The following FGFR3 variants were observed in gnomAD, a reference collection of about 807,000 sequenced individuals.
FGFR3 encodes the protein fibroblast growth factor receptor 3, also known as FGFR-3.
FGFR3 carries 25 observed loss-of-function variants against 82.9 expected under a neutral mutation model. The observed-to-expected ratio is 0.30, with a 90% CI of 0.22 to 0.42. The LOEUF is 0.42. Ranked by LOEUF, FGFR3 falls within the 10% of genes least tolerant of loss-of-function variation. The pLI is 1.00. For missense variants in FGFR3, 1,026 were observed against 1,161.0 expected, an observed-to-expected ratio of 0.88 and a Z score of 1.69; for synonymous variants, 620 against 516.0, an observed-to-expected ratio of 1.20 and a Z score of -2.73.
chr4:1,805,596 T>G lies in FGFR3; in HGVS notation c.1572T>G (p.Ser524=). 6.2e-7 allele frequency: 1 copy of G among 1,613,260 alleles called. No individual in the cohort carries two copies. Among genetic ancestry groups the G allele is most frequent in the East Asian group, 2.2e-5 (1 of 44,868 alleles). The change falls in exon 12 of 18, where the codon TCT becomes TCG. Residue 524 remains serine (S), a synonymous_variant. Coordinates refer to ENST00000440486, the MANE Select transcript of FGFR3 (RefSeq NM_000142.5). ...ACAAGGACCTGTCGGACCTGGTGTCTGAGATGGAGATGATGAAGATGATCG... is the reference window on the plus strand; with the variant it reads ...ACAAGGACCTGTCGGACCTGGTGTCGGAGATGGAGATGATGAAGATGATCG... The part of the protein sequence containing the change: ...ATDKDLSDLV[S]EMEMMKMIGK...
chr4:1,803,583 G>C (rs908659443), intron 7 of FGFR3, 109 bp from the exon 8 acceptor site: 7 of 1,517,156 alleles, frequency 4.6e-6, no homozygotes, highest in Non-Finnish European at 5.3e-6. Flanking sequence ...CTGAGGAGTT[G>C]GTGGTGGCGG....
intron 7 of FGFR3, chr4:1,802,998 C>A: frequency 1.3e-6 from 2 of 1,599,646 alleles, no homozygotes; most frequent in South Asian, 1.1e-5. Flanking sequence ...GTACCTCTGT[C>A]GAGCCACCAA....
chr4:1,806,391 C>T (rs2108810015), intron 15 of FGFR3, 64 bp downstream of exon 15: 1 of 1,605,272 alleles, frequency 6.2e-7, no homozygotes, highest in African/African-American at 1.3e-5. Flanking sequence ...GCCAGGACCC[C>T]AGCTGCAGTC....
chr4:1,804,780 C>T (rs1408659216), intron 9 of FGFR3, 44 bp from the exon 10 acceptor site: 12 of 1,548,160 alleles, frequency 7.8e-6, no homozygotes, highest in African/African-American at 2.7e-5. Flanking sequence ...CCTCCACGCC[C>T]TGTCGCCCAC....
chr4:1,799,275 G>A lies in FGFR3; in HGVS notation c.131G>A (p.Gly44Asp), dbSNP rs1429627940. Residue 44 changes from glycine to aspartate, a missense_variant, in exon 3 of 18, where the codon GGC becomes GAC. By Grantham distance (94) the Gly-to-Asp change is moderately conservative (BLOSUM62 -1). Around this residue, in one of 9 missense-constraint regions of FGFR3, gnomAD observed 226 missense variants for 222.0 expected, o/e 1.02. Coordinates refer to ENST00000440486, the MANE Select transcript of FGFR3 (RefSeq NM_000142.5). ...ACAGAAGTCCCGGGCCCAGAGCCCGGCCAGCAGGAGCAGTTGGTCTTCGGC... is the reference window on the plus strand; with the variant it reads ...ACAGAAGTCCCGGGCCCAGAGCCCGACCAGCAGGAGCAGTTGGTCTTCGGC... Reference protein sequence around the residue: ...RAAEVPGPEPGQQEQLVFGSG... With the variant: ...RAAEVPGPEPDQQEQLVFGSG... 1.2e-6 allele frequency: 2 copies of A among 1,612,658 alleles called. No individual in the cohort carries two copies. Among genetic ancestry groups the A allele is most frequent in the Middle Eastern group, 1.7e-4 (1 of 5,954 alleles).
Position 1,799,289 on chromosome 4 carries a change from T to C in FGFR3, c.145T>C (p.Leu49=), listed in dbSNP as rs759325576. 61 of 1,612,554 alleles carry C rather than the reference T, an allele frequency of 3.8e-5. 2 individuals carry two copies. The South Asian group carries it at 4.5e-4, about 12-fold the overall frequency. Residue 49 remains leucine, a synonymous_variant, in exon 3 of 18, where the codon TTG becomes CTG. Coordinates refer to ENST00000440486, the MANE Select transcript of FGFR3 (RefSeq NM_000142.5). ...CCCAGAGCCCGGCCAGCAGGAGCAG[T>C]TGGTCTTCGGCAGCGGGGATGCTGT... The part of the protein sequence containing the change: ...PGPEPGQQEQ[L]VFGSGDAVEL...
rs749024125 is a variant in FGFR3 at position 1,801,673 on chromosome 4, C to T, written c.669C>T (p.Arg223=). 22 of 1,611,222 alleles carry T rather than the reference C, an allele frequency of 1.4e-5. No homozygotes were observed. The highest frequency in any genetic ancestry group is 2.7e-5 in the African/African-American group (2 of 74,884). ...TGGAAAGCGTGGTGCCCTCGGACCG[C>T]GGCAACTACACCTGCGTCGTGGAGA... ...LVMESVVPSD[R]GNYTCVVENK... The change falls in exon 6 of 18, where the codon CGC becomes CGT. Residue 223 remains arginine, a synonymous_variant. Coordinates refer to ENST00000440486, the MANE Select transcript of FGFR3 (RefSeq NM_000142.5).
At position 1,804,332 on chromosome 4, in the gene FGFR3, G is replaced by C. The variant is rs757013992; in HGVS notation, c.1078G>C (p.Glu360Gln). The change falls in exon 9 of 18, where the codon GAG becomes CAG. Residue 360 changes from glutamate (E) to glutamine (Q), a missense_variant and splice_region_variant. Transcript: ENST00000440486. ...CCTCAACGCCCATGTCTTTGCAGCC[G>C]AGGAGGAGCTGGTGGAGGCTGACGA... is the stretch of plus-strand genomic sequence containing the variant. ...HSAWLVVLPA[E>Q]EELVEADEAG... 43 of 1,604,492 alleles carry C rather than the reference G, an allele frequency of 2.7e-5. No homozygotes were observed. Among genetic ancestry groups the C allele is most frequent in the African/African-American group, 1.2e-4 (9 of 74,798 alleles).
intron 4 of FGFR3, among the ~76,000 whole-genome samples, chr4:1,800,893 G>T (rs753656182): frequency 1.3e-5 from 2 of 152,214 alleles, no homozygotes; most frequent in Non-Finnish European, 2.9e-5. Flanking sequence ...TTGGAGCTCT[G>T]CAGAGGGTGG....
rs1452531758 is a variant in FGFR3 at position 1,805,744 on chromosome 4, C to A, written c.1646-6C>A. 1 of 1,612,394 alleles carries A rather than the reference C, an allele frequency of 6.2e-7. No individual in the cohort carries two copies. The highest frequency in any genetic ancestry group is 1.7e-5 in the Admixed American group (1 of 59,988). ...GGCAGCCCGTCTGAGGAGCCCGTGTCCCCAGGGCCCCTGTACGTGCTGGTG... is the reference window on the plus strand; with the variant it reads ...GGCAGCCCGTCTGAGGAGCCCGTGTACCCAGGGCCCCTGTACGTGCTGGTG... On this transcript the variant is annotated splice_region_variant and splice_polypyrimidine_tract_variant and intron_variant, in intron 12 of 17. Coordinates refer to ENST00000440486, the MANE Select transcript of FGFR3 (RefSeq NM_000142.5).
At chr4:1,801,314 G>C in intron 4 of FGFR3, 53 bp from the exon 5 acceptor site, 1 of 1,531,554 alleles carries the variant, frequency 6.5e-7, no homozygotes, top group Non-Finnish European at 8.8e-7. Flanking sequence ...GTTGTTCAGA[G>C]GGGCCTCTGC....
chr4:1,797,190 G>A (rs1002667529), intron 2 of FGFR3, among the ~76,000 whole-genome samples: 1 of 152,150 alleles, frequency 6.6e-6, no homozygotes, highest in Non-Finnish European at 1.5e-5. Context: ...TAGGGCTGCT[G>A]GGGGGCTATA....
intron 2 of FGFR3, among the ~76,000 whole-genome samples, chr4:1,796,165 G>C (rs1015273821): frequency 6.6e-6 from 1 of 152,172 alleles, no homozygotes; most frequent in Non-Finnish European, 1.5e-5. Context: ...AGCCACCTTT[G>C]GTGGGGTAGG....
rs1322387331 is a variant in FGFR3, at chr4:1,799,276, C to T, written c.132C>T (p.Gly44=). 1 of 1,612,568 alleles carries T rather than the reference C, an allele frequency of 6.2e-7. No individual in the cohort carries two copies. Among genetic ancestry groups the T allele is most frequent in the Non-Finnish European group, 8.5e-7 (1 of 1,179,982 alleles). The change falls in exon 3 of 18, where the codon GGC becomes GGT. Residue 44 remains glycine (G), a synonymous_variant. Coordinates refer to ENST00000440486, the MANE Select transcript of FGFR3 (RefSeq NM_000142.5). The part of the protein sequence containing the change: ...RAAEVPGPEP[G]QQEQLVFGSG... The stretch of plus-strand genomic sequence containing the variant: ...CAGAAGTCCCGGGCCCAGAGCCCGG[C>T]CAGCAGGAGCAGTTGGTCTTCGGCA...
At position 1,803,935 on chromosome 4, in the gene FGFR3, C is replaced by A. The variant is rs924456386; in HGVS notation, c.1075+99C>A. 7.6e-6 allele frequency: 10 copies of A among 1,315,610 alleles called. No homozygotes were observed. The African/African-American group carries it at 1.2e-4, about 15-fold the overall frequency. 81.5% of individuals were successfully genotyped at this position (1,315,610 alleles called of 1,614,324 possible). On this transcript the variant is annotated intron_variant, in intron 8 of 17. Transcript: ENST00000440486. ...GGACGGACGGGAATCCTGTGACTTA[C>A]GGCCGTCCCGCTTCTTGAGCCCTCA...
intron 2 of FGFR3, among the ~76,000 whole-genome samples, chr4:1,795,471 A>C (rs1340933619): frequency 1.3e-5 from 2 of 151,702 alleles, no homozygotes; most frequent in Admixed American, 6.6e-5. Context: ...AGCTGGTGAA[A>C]CAGGTAGTGA....
rs1221876688 is a variant in FGFR3 at position 1,794,011 on chromosome 4, G to A, written c.77G>A (p.Gly26Glu). 2.1e-6 allele frequency: 3 copies of A among 1,417,238 alleles called. No individual in the cohort carries two copies. Among genetic ancestry groups the A allele is most frequent in the Non-Finnish European group, 2.8e-6 (3 of 1,074,104 alleles). The allele number at this position is 1,417,238 out of a possible 1,614,324, so 87.8% of individuals were successfully genotyped here. A position where few individuals can be genotyped will look rare whatever the true frequency, so the allele number is the denominator to read the frequency against. The change falls in exon 2 of 18, where the codon GGG becomes GAG. Residue 26 changes from glycine (G) to glutamate (E), a missense_variant. Physicochemically the swap from Gly to Glu is moderately conservative, Grantham distance 98 (BLOSUM62 -2). Transcript: ENST00000440486. Reference protein sequence around the residue: ...IVAGASSESLGTEQRVVGRAA... With the variant: ...IVAGASSESLETEQRVVGRAA... Reference sequence around the variant, plus strand: ...GCCGGCGCCTCCTCGGAGTCCTTGGGGACGGAGCAGCGCGTCGTGGGGCGA... The same window carrying A: ...GCCGGCGCCTCCTCGGAGTCCTTGGAGACGGAGCAGCGCGTCGTGGGGCGA...
chr4:1,794,029 T>A lies in FGFR3; in HGVS notation c.95T>A (p.Val32Glu). 1 of 1,411,690 alleles carries A rather than the reference T, an allele frequency of 7.1e-7. No individual in the cohort carries two copies. Among genetic ancestry groups the A allele is most frequent in the South Asian group, 1.6e-5 (1 of 63,692 alleles). The allele number at this position is 1,411,690 out of a possible 1,614,324, so 87.4% of individuals were successfully genotyped here. Residue 32 changes from valine (V) to glutamate (E), a missense_variant, in exon 2 of 18, where the codon GTG becomes GAG. Around this residue, in one of 9 missense-constraint regions of FGFR3, gnomAD observed 226 missense variants for 222.0 expected, o/e 1.02. Coordinates refer to ENST00000440486, the MANE Select transcript of FGFR3 (RefSeq NM_000142.5). ...TCCTTGGGGACGGAGCAGCGCGTCG[T>A]GGGGCGAGCGGCAGGTAAGAAGGGA... ...SESLGTEQRV[V>E]GRAAEVPGPE...
At position 1,797,286 on chromosome 4, in the gene FGFR3, T is replaced by C. The variant is rs143786411; in HGVS notation, c.110-1968T>C. The stretch of plus-strand genomic sequence containing the variant: ...CAGTGGGAGTCAGACCCTGAACTTA[T>C]AGCACCCACTCATGCCCCGTGTCAC... On this transcript the variant is annotated intron_variant, in intron 2 of 17. Coordinates refer to ENST00000440486, the MANE Select transcript of FGFR3 (RefSeq NM_000142.5). Among the ~76,000 whole-genome samples, 46 of 152,232 alleles carry C rather than the reference T, an allele frequency of 3.0e-4. 1 individual carries two copies. The highest frequency in any genetic ancestry group is 7.2e-4 in the Admixed American group (11 of 15,298).
Sources: allele counts gnomAD v4.1 joint callset (sites outside exome capture counted in the v4.1 genomes callset), GRCh38; gene constraint gnomAD v4.1.1; regional missense constraint gnomAD v4.1.1; transcripts MANE v1.5; gene names NCBI Gene and HGNC (gene_info 2026-07-23, HGNC 2026-07-21).